The following TXNRD1 variants were observed in gnomAD, a reference collection of about 807,000 sequenced individuals.
TXNRD1 encodes thioredoxin reductase 1.
Under a neutral mutation model 80.3 loss-of-function variants are expected in TXNRD1, and 57 were observed. The ratio of observed to expected loss-of-function variants is 0.71; its 90% CI spans 0.57 to 0.89. The LOEUF (loss-of-function observed/expected upper bound fraction) is 0.89, where lower values mean the gene tolerates loss of function less well. Among genes scored for constraint, TXNRD1 ranks in the 40% least tolerant of loss-of-function variants. The pLI is 0.00. For missense variants in TXNRD1, 730 were observed against 803.0 expected, an observed-to-expected ratio of 0.91 and a Z score of 1.10; for synonymous variants, 291 against 285.2, an observed-to-expected ratio of 1.02 and a Z score of -0.20.
At chr12:104,295,722 C>T (rs1256502196) in intron 4 of TXNRD1, among the ~76,000 whole-genome samples, 1 of 152,180 alleles carries the variant, frequency 6.6e-6, no homozygotes, top group African/African-American at 2.4e-5. Context: ...CAAAGTTTTC[C>T]ATTCCTTTCC....
intron 1 of TXNRD1, among the ~76,000 whole-genome samples, chr12:104,216,380 C>T (rs985039956): frequency 2.6e-5 from 4 of 152,332 alleles, no homozygotes; most frequent in African/African-American, 9.6e-5. Context: ...GAATCTTGTC[C>T]GACACGCCTT....
At chr12:104,337,953 ATTTTTT>A (rs761640158) in intron 15 of TXNRD1, among the ~76,000 whole-genome samples, 4 of 116,874 alleles carry the variant, frequency 3.4e-5, no homozygotes, top group Admixed American at 8.9e-5. Context: ...TGCCCAGCTA[ATTTTTT>A]TTTTTTTTTT....
intron 1 of TXNRD1, among the ~76,000 whole-genome samples, chr12:104,242,712 A>G (rs1410561425): frequency 2.0e-5 from 3 of 152,146 alleles, no homozygotes; most frequent in Non-Finnish European, 4.4e-5. Flanking sequence ...CCCAACCCTG[A>G]CAGGAGACTC....
intron 4 of TXNRD1, among the ~76,000 whole-genome samples, chr12:104,293,116 C>A (rs1314424883): frequency 6.6e-6 from 1 of 152,134 alleles, no homozygotes; most frequent in Non-Finnish European, 1.5e-5. Flanking sequence ...TTATAGGGAA[C>A]CTCTTTTGTA....
chr12:104,326,481 T>TTG, intron 12 of TXNRD1, 58 bp downstream of exon 12: 1 of 1,110,320 alleles, frequency 9.0e-7, no homozygotes, highest in East Asian at 2.7e-5. Flanking sequence ...TTTTTTTTTT[T>TTG]TGAGATGGAG....
Position 104,251,377 on chromosome 12 carries a change from A to G in TXNRD1, c.92-150A>G. On this transcript the variant is annotated intron_variant, in intron 1 of 16. Coordinates refer to ENST00000525566, the MANE Select transcript of TXNRD1 (RefSeq NM_001093771.3). ...AGTCAGATGAAAGAAGTAAATCTAT[A>G]ATCTTCATTAGAGTCCTTCCTTCCT... 2 of 743,430 alleles carry G rather than the reference A, an allele frequency of 2.7e-6. 1 individual carries two copies. The highest frequency in any genetic ancestry group is 4.5e-6 in the Non-Finnish European group (2 of 449,378). 46.1% of individuals were successfully genotyped at this position (743,430 alleles called of 1,614,324 possible).
chr12:104,320,646 GT>G (rs777199543), intron 9 of TXNRD1, among the ~76,000 whole-genome samples: 51 of 146,250 alleles, frequency 3.5e-4, no homozygotes, highest in African/African-American at 8.7e-4. Context: ...GATATTGAAA[GT>G]TTTTTTTTTT....
intron 1 of TXNRD1, among the ~76,000 whole-genome samples, chr12:104,232,491 A>G (rs1431014091): frequency 6.6e-6 from 1 of 152,004 alleles, no homozygotes; most frequent in Non-Finnish European, 1.5e-5. Flanking sequence ...TGAACCTGGG[A>G]GGTGGAGATT....
At chr12:104,341,869 T>C (rs1013059317) in intron 16 of TXNRD1, among the ~76,000 whole-genome samples, 4 of 152,204 alleles carry the variant, frequency 2.6e-5, no homozygotes, top group Non-Finnish European at 5.9e-5. Context: ...GTCAAGGGGT[T>C]CCCATGATAA....
At chr12:104,228,820 C>G (rs569111677) in intron 1 of TXNRD1, among the ~76,000 whole-genome samples, 1 of 151,578 alleles carries the variant, frequency 6.6e-6, no homozygotes, top group African/African-American at 2.4e-5. Context: ...CCCGGGTTCA[C>G]GCCATTCTCC....
chr12:104,260,835 A>G (rs1464326091), intron 3 of TXNRD1, among the ~76,000 whole-genome samples: 2 of 152,226 alleles, frequency 1.3e-5, no homozygotes, highest in Admixed American at 6.5e-5. Flanking sequence ...TTAAACTAAT[A>G]TAAGATAAAG....
intron 4 of TXNRD1, chr12:104,303,824 T>G: frequency 7.1e-7 from 1 of 1,418,016 alleles, no homozygotes; most frequent in Non-Finnish European, 9.2e-7. Context: ...GGCCGGCATG[T>G]TGGTTGAAAA....
At chr12:104,291,035 C>T in intron 4 of TXNRD1, 2 of 682,818 alleles carry the variant, frequency 2.9e-6, no homozygotes, top group Non-Finnish European at 5.3e-6. Flanking sequence ...TCTTGAACTC[C>T]TGGGCTCAAG....
Position 104,287,167 on chromosome 12 carries a change from C to CG in TXNRD1, c.305-1759dup, listed in dbSNP as rs200695049. 14,569 of 1,566,904 alleles carry CG rather than the reference C, an allele frequency of 9.3e-3. 92 individuals carry two copies. Among genetic ancestry groups the CG allele is most frequent in the Non-Finnish European group, 0.011 (13,205 of 1,159,646 alleles). On this transcript the variant is annotated intron_variant, in intron 3 of 16. Transcript: ENST00000525566. ...CCGCGAGCCCAGGGATGGGAGCACG[C>CG]GGGGGACGGCCTGCCGGCGGGGACG...
chr12:104,252,961 C>A (rs968056165), intron 2 of TXNRD1, among the ~76,000 whole-genome samples: 1 of 151,814 alleles, frequency 6.6e-6, no homozygotes. Flanking sequence ...CTCGGCCTCC[C>A]AAAGTGCTGG....
chr12:104,280,176 AC>A (rs2033847794), intron 3 of TXNRD1: 2 of 151,396 alleles, frequency 1.3e-5, no homozygotes, highest in Admixed American at 1.3e-4. Flanking sequence ...AGTTGCCTAT[AC>A]TTACTCCCTC....
intron 1 of TXNRD1, among the ~76,000 whole-genome samples, chr12:104,225,404 C>T (rs571901914): frequency 1.3e-5 from 2 of 152,266 alleles, no homozygotes; most frequent in Admixed American, 6.5e-5. Flanking sequence ...TGATTGGGCA[C>T]GTCTAATGAA....
intron 3 of TXNRD1, among the ~76,000 whole-genome samples, chr12:104,271,912 A>G (rs764921121): frequency 1.3e-5 from 2 of 152,024 alleles, no homozygotes; most frequent in African/African-American, 4.8e-5. Flanking sequence ...ATTTGGATTC[A>G]CTTTAAGAAA....
chr12:104,323,398 C>T (rs1284365919), intron 10 of TXNRD1, among the ~76,000 whole-genome samples: 24 of 148,162 alleles, frequency 1.6e-4, no homozygotes, highest in African/African-American at 3.5e-4. Flanking sequence ...GCTGGCCGGG[C>T]GGGGGGCTGA....
Sources: allele counts gnomAD v4.1 joint callset (sites outside exome capture counted in the v4.1 genomes callset), GRCh38; gene constraint gnomAD v4.1.1; transcripts MANE v1.5; gene names NCBI Gene and HGNC (gene_info 2026-07-23, HGNC 2026-07-21).